FOXP2: variants seen among roughly 807,000 people sequenced by gnomAD.
FOXP2 encodes the protein forkhead box protein P2.
In FOXP2, 12 loss-of-function variants were observed where a neutral mutation model predicts 115.8. The observed-to-expected ratio is 0.10, with a 90% CI of 0.07 to 0.17. The LOEUF is 0.17. FOXP2 is among the 10% of genes least tolerant of loss of function. FOXP2 has a pLI of 1.00. For synonymous variants in FOXP2, 328 were observed against 297.7 expected (o/e 1.10, Z -1.05); for missense variants, 629 against 843.5 (o/e 0.75, Z 3.15).
chr7:114,559,250 CTTGATTAGCA>C (rs1364339190), intron 3 of FOXP2, among the ~76,000 whole-genome samples: 1 of 152,088 alleles, frequency 6.6e-6, no homozygotes, highest in African/African-American at 2.4e-5. Context: ...ATGAAAGATA[CTTGATTAGCA>C]TTCCTGCAAA....
rs537263490 is a variant in FOXP2 at position 114,480,731 on chromosome 7, G to A, written c.169-53886G>A. On this transcript the variant is annotated intron_variant, in intron 2 of 16. Transcript: ENST00000350908. ...TATGTGCATGTATATACATATACACGTATATATGTGTATGTATGTATACGT... is the reference window on the plus strand; with the variant it reads ...TATGTGCATGTATATACATATACACATATATATGTGTATGTATGTATACGT... Among the ~76,000 whole-genome samples the A allele has an allele frequency of 5.3e-5, 8 of 149,616 alleles. No individual in the cohort carries two copies. The South Asian group carries it at 8.4e-4, about 16-fold the overall frequency.
intron 2 of FOXP2, among the ~76,000 whole-genome samples, chr7:114,321,035 A>G (rs1797406791): frequency 6.6e-6 from 1 of 152,130 alleles, no homozygotes; most frequent in South Asian, 2.1e-4. Flanking sequence ...TTTTCCAGAC[A>G]AGGAAAGATG....
chr7:114,249,025 T>C (rs1287014703), intron 1 of FOXP2, among the ~76,000 whole-genome samples: 3 of 152,180 alleles, frequency 2.0e-5, no homozygotes, highest in African/African-American at 7.2e-5. Context: ...ATAGCAGATA[T>C]AGTAATGAAC....
chr7:114,259,466 C>T lies in FOXP2; in HGVS notation c.-101-28553C>T, dbSNP rs1795694533. 1.3e-5 allele frequency among the ~76,000 whole-genome samples: 2 copies of T among 152,108 alleles called. 1 individual carries two copies. Among genetic ancestry groups the T allele is most frequent in the South Asian group, 4.1e-4 (2 of 4,834 alleles). On this transcript the variant is annotated intron_variant, in intron 1 of 17. Coordinates refer to the FOXP2 transcript ENST00000634411. ...ACTAGAATGACAGATGTAACCAGAA[C>T]ATAATAGTAATCAGAGAAAGATGTT...
At chr7:114,275,934 T>C (rs1796174928) in intron 1 of FOXP2, among the ~76,000 whole-genome samples, 1 of 152,194 alleles carries the variant, frequency 6.6e-6, no homozygotes, top group African/African-American at 2.4e-5. Context: ...TTTCTCCCCC[T>C]CACCCCTTAG....
chr7:114,688,804 T>C (rs771062307), intron 16 of FOXP2, among the ~76,000 whole-genome samples: 29 of 152,162 alleles, frequency 1.9e-4, no homozygotes, highest in South Asian at 2.1e-4. Flanking sequence ...GTTAAAAACA[T>C]GTATCATCAT....
At chr7:114,165,485 CA>C (rs1562988325) in intron 1 of FOXP2, among the ~76,000 whole-genome samples, 1 of 152,068 alleles carries the variant, frequency 6.6e-6, no homozygotes, top group Non-Finnish European at 1.5e-5. Flanking sequence ...CAGCAGTGAA[CA>C]ATTGGGGTTT....
chr7:114,387,225 T>C (rs1370263227), intron 2 of FOXP2, among the ~76,000 whole-genome samples: 34 of 152,224 alleles, frequency 2.2e-4, no homozygotes, highest in African/African-American at 2.4e-5. Flanking sequence ...TGGATTTTGA[T>C]AACACCTGTA....
intron 1 of FOXP2, among the ~76,000 whole-genome samples, chr7:114,157,012 T>A (rs1792689736): frequency 6.6e-6 from 1 of 152,148 alleles, no homozygotes; most frequent in African/African-American, 2.4e-5. Flanking sequence ...GATTTATTTA[T>A]TTGGAAATAA....
chr7:114,167,112 C>A (rs1381793976), intron 1 of FOXP2, among the ~76,000 whole-genome samples: 1 of 152,152 alleles, frequency 6.6e-6, no homozygotes, highest in African/African-American at 2.4e-5. Context: ...AAACGTAAGT[C>A]CACACAAAAA....
rs1411426085 is a variant in FOXP2 at position 114,313,614 on chromosome 7, G to A, written c.-11+25505G>A. Reference sequence around the variant, plus strand: ...CAAAAAATTAGCCGGGCGTAGTGGCGGGCGCCTGTAGTCCCAGCTACTTGG... The same window carrying A: ...CAAAAAATTAGCCGGGCGTAGTGGCAGGCGCCTGTAGTCCCAGCTACTTGG... On this transcript the variant is annotated intron_variant, in intron 2 of 17. Transcript: ENST00000634411. Among the ~76,000 whole-genome samples the A allele has an allele frequency of 2.0e-5, 2 of 100,798 alleles. 1 individual carries two copies. The highest frequency in any genetic ancestry group is 5.4e-4 in the East Asian group (2 of 3,710). The allele number at this position is 100,798 out of a possible 152,430, so 66.1% of individuals were successfully genotyped here. A position where few individuals can be genotyped will look rare whatever the true frequency, so the allele number is the denominator to read the frequency against.
At chr7:114,096,894 G>C (rs568498890) in intron 1 of FOXP2, among the ~76,000 whole-genome samples, 33 of 152,200 alleles carry the variant, frequency 2.2e-4, no homozygotes, top group South Asian at 2.1e-3. Flanking sequence ...GAATGTGAAT[G>C]AGTAGTTTTA....
At chr7:114,221,660 A>G (rs368471765) in intron 1 of FOXP2, among the ~76,000 whole-genome samples, 13 of 152,218 alleles carry the variant, frequency 8.5e-5, no homozygotes, top group African/African-American at 3.1e-4. Flanking sequence ...GTACTAAAGC[A>G]TCCTATTTCA....
At chr7:114,347,438 C>T (rs1791374231) in intron 2 of FOXP2, among the ~76,000 whole-genome samples, 1 of 151,926 alleles carries the variant, frequency 6.6e-6, no homozygotes, top group South Asian at 2.1e-4. Context: ...CATACATTAG[C>T]ACTACCAGTT....
intron 2 of FOXP2, among the ~76,000 whole-genome samples, chr7:114,513,105 CA>C (rs1798159210): frequency 6.6e-6 from 1 of 152,012 alleles, no homozygotes; most frequent in African/African-American, 2.4e-5. Context: ...ACAACAACAA[CA>C]AAACACTATT....
intron 2 of FOXP2, among the ~76,000 whole-genome samples, chr7:114,513,759 C>T (rs937370842): frequency 1.3e-5 from 2 of 152,010 alleles, no homozygotes; most frequent in Non-Finnish European, 2.9e-5. Context: ...AGGTAAATTT[C>T]AGCTAAAAAG....
intron 2 of FOXP2, among the ~76,000 whole-genome samples, chr7:114,293,857 A>C (rs1796671240): frequency 6.6e-6 from 1 of 152,100 alleles, no homozygotes. Context: ...GTATTTCTTC[A>C]TAGGAGCGTG....
intron 3 of FOXP2, among the ~76,000 whole-genome samples, chr7:114,592,045 T>G (rs1029278594): frequency 2.6e-5 from 4 of 152,114 alleles, no homozygotes; most frequent in African/African-American, 9.7e-5. Context: ...TAGAAATACC[T>G]GACGCACTAT....
chr7:114,629,696 G>C, intron 4 of FOXP2, 109 bp from the exon 5 acceptor site: 1 of 1,601,980 alleles, frequency 6.2e-7, no homozygotes, highest in Non-Finnish European at 8.5e-7. Flanking sequence ...GTTTTTATGG[G>C]ATGAATCTTA....
Sources: gnomAD v4.1 joint callset for allele counts (sites outside exome capture counted in the v4.1 genomes callset) on GRCh38, gnomAD v4.1.1 for gene constraint, MANE v1.5 for transcripts, NCBI Gene and HGNC (gene_info 2026-07-23, HGNC 2026-07-21) for gene names.